The following ATRNL1 variants were observed in gnomAD, a reference collection of about 807,000 sequenced individuals.
The protein encoded by ATRNL1 is attractin-like protein 1.
Under a neutral mutation model 182.7 loss-of-function variants are expected in ATRNL1, and 95 were observed. That is an observed-to-expected ratio of 0.52 (90% confidence interval 0.44 to 0.62). The LOEUF is 0.62. Ranked by LOEUF, ATRNL1 falls within the 20% of genes least tolerant of loss-of-function variation. ATRNL1 has a pLI of 0.00. For synonymous variants in ATRNL1, 576 were observed against 568.3 expected (o/e 1.01, Z -0.19); for missense variants, 1,471 against 1,679.5 (o/e 0.88, Z 2.17).
At chr10:115,819,838 G>T (rs536174111) in intron 27 of ATRNL1, 1 of 151,784 alleles carries the variant, frequency 6.6e-6, no homozygotes, top group East Asian at 1.9e-4. Context: ...CTCAAAGCAG[G>T]TCTTTTTCTC....
intron 1 of ATRNL1, among the ~76,000 whole-genome samples, chr10:115,098,453 C>CTTTTTTT (rs71010006): frequency 1.2e-5 from 1 of 80,752 alleles, no homozygotes; most frequent in African/African-American, 6.2e-5. Flanking sequence ...ATACTAGTTT[C>CTTTTTTT]TTTTTTTTTT....
rs140651230 is a variant in ATRNL1 at position 115,940,123 on chromosome 10, T to C, written c.4019-4535T>C. On this transcript the variant is annotated intron_variant, in intron 28 of 28. Coordinates refer to ENST00000355044, the MANE Select transcript of ATRNL1 (RefSeq NM_207303.4). ...GCGGAGACTCAAGGACAGGCAGGAA[T>C]GGGAAATCTTTATAGTGAAAAAAGG... Among the ~76,000 whole-genome samples, 1,225 of 152,172 alleles carry C rather than the reference T, an allele frequency of 8.1e-3. 12 individuals carry two copies. The highest frequency in any genetic ancestry group is 0.027 in the African/African-American group (1,121 of 41,522).
intron 28 of ATRNL1, among the ~76,000 whole-genome samples, chr10:115,932,088 T>C (rs1488142246): frequency 6.6e-6 from 1 of 152,222 alleles, no homozygotes; most frequent in South Asian, 2.1e-4. Context: ...TGGAGGCCAC[T>C]TTGATTGCTC....
At chr10:115,722,037 AG>A (rs1184545028) in intron 26 of ATRNL1, among the ~76,000 whole-genome samples, 1 of 152,190 alleles carries the variant, frequency 6.6e-6, no homozygotes, top group Non-Finnish European at 1.5e-5. Flanking sequence ...GCATTATTAA[AG>A]GCCTTCTGGA....
At chr10:115,473,082 C>A (rs1848378809) in intron 24 of ATRNL1, among the ~76,000 whole-genome samples, 1 of 151,218 alleles carries the variant, frequency 6.6e-6, no homozygotes, top group South Asian at 2.1e-4. Context: ...AATGCTTTTT[C>A]AGCATCTATT....
At position 115,702,760 on chromosome 10, in the gene ATRNL1, A is replaced by G. The variant is rs1035403448; in HGVS notation, c.3796-24488A>G. On this transcript the variant is annotated intron_variant, in intron 26 of 28. Coordinates refer to ENST00000355044, the MANE Select transcript of ATRNL1 (RefSeq NM_207303.4). ...GAGGTGAAAGATCTCTACAAGGAGA[A>G]CTACAAAACACTGCTGAAAGAAGTC... 5.9e-5 allele frequency among the ~76,000 whole-genome samples: 9 copies of G among 152,072 alleles called. No homozygotes were observed. In the South Asian group the frequency reaches 1.0e-3, roughly 17 times the overall value.
chr10:115,689,650 G>A (rs982341181), intron 26 of ATRNL1, among the ~76,000 whole-genome samples: 1 of 152,128 alleles, frequency 6.6e-6, no homozygotes, highest in Admixed American at 6.5e-5. Flanking sequence ...TTGGATGCTG[G>A]TAGTGGCAGC....
At chr10:115,598,779 T>C (rs1339709521) in intron 26 of ATRNL1, among the ~76,000 whole-genome samples, 2 of 152,186 alleles carry the variant, frequency 1.3e-5, no homozygotes, top group Non-Finnish European at 2.9e-5. Flanking sequence ...AGAAGTCAGC[T>C]AAATTCTCAT....
chr10:115,701,195 C>T (rs1946724579), intron 26 of ATRNL1, among the ~76,000 whole-genome samples: 1 of 151,906 alleles, frequency 6.6e-6, no homozygotes, highest in South Asian at 2.1e-4. Context: ...AAAACCTGCC[C>T]TTGAATTGAC....
rs782157017 is a variant in ATRNL1 at position 115,442,303 on chromosome 10, C to CTCTCTCTCTCTCTCTCTCTCTCTCTCTG, written c.3322+16002_3322+16003insCTCTCTCTCTCTCTCTCTCTCTCTCTGT. Among the ~76,000 whole-genome samples the CTCTCTCTCTCTCTCTCTCTCTCTCTCTG allele has an allele frequency of 1.2e-3, 147 of 123,778 alleles. 2 individuals carry two copies. The highest frequency in any genetic ancestry group is 4.0e-3 in the East Asian group (19 of 4,774). The allele number at this position is 123,778 out of a possible 152,430, so 81.2% of individuals were successfully genotyped here. The stretch of plus-strand genomic sequence containing the variant: ...TCTCTCTCTCTCTCTCTCTCTCTCT[C>CTCTCTCTCTCTCTCTCTCTCTCTCTCTG]TGTGTGTATGTGTGTGTGTAAACAA... On this transcript the variant is annotated intron_variant, in intron 21 of 28. Transcript: ENST00000355044.
chr10:115,331,552 A>G (rs1403536413), intron 18 of ATRNL1, among the ~76,000 whole-genome samples: 2 of 152,106 alleles, frequency 1.3e-5, no homozygotes, highest in East Asian at 1.9e-4. Context: ...ATTTATGTGC[A>G]TATGTTTAGG....
chr10:115,783,903 C>T (rs1210533979), intron 27 of ATRNL1, among the ~76,000 whole-genome samples: 1 of 152,094 alleles, frequency 6.6e-6, no homozygotes, highest in Non-Finnish European at 1.5e-5. Context: ...GTCCCAGCTA[C>T]TTGGGAGGCT....
At chr10:115,146,995 T>G (rs1179009338) in intron 5 of ATRNL1, among the ~76,000 whole-genome samples, 38 of 152,260 alleles carry the variant, frequency 2.5e-4, no homozygotes, top group South Asian at 4.2e-4. Flanking sequence ...TACCCAGTAG[T>G]GGGATTACTG....
Position 115,521,854 on chromosome 10 carries a change from A to G in ATRNL1, c.3716+2530A>G, listed in dbSNP as rs189498005. Among the ~76,000 whole-genome samples, 5 of 152,340 alleles carry G rather than the reference A, an allele frequency of 3.3e-5. No individual in the cohort carries two copies. The East Asian group carries it at 9.6e-4, about 29-fold the overall frequency. ...GGACAGGATATTTTGAAGCTTATCA[A>G]TTATTAAGTTTTATAAAGCTACTGC... On this transcript the variant is annotated intron_variant, in intron 25 of 28. Transcript: ENST00000355044.
At chr10:115,383,018 T>C (rs1858113590) in intron 19 of ATRNL1, among the ~76,000 whole-genome samples, 1 of 151,912 alleles carries the variant, frequency 6.6e-6, no homozygotes, top group Non-Finnish European at 1.5e-5. Flanking sequence ...AGAGAGGAAG[T>C]TCTTTTTATT....
At chr10:115,904,334 A>C (rs551222863) in intron 28 of ATRNL1, among the ~76,000 whole-genome samples, 1 of 152,150 alleles carries the variant, frequency 6.6e-6, no homozygotes, top group Non-Finnish European at 1.5e-5. Flanking sequence ...TCCACAGGAA[A>C]TCTGACTAGC....
intron 20 of ATRNL1, among the ~76,000 whole-genome samples, chr10:115,419,452 A>G (rs1049942975): frequency 2.0e-5 from 3 of 152,224 alleles, no homozygotes; most frequent in Non-Finnish European, 1.5e-5. Flanking sequence ...TTGAATGTAA[A>G]TGGTTGAAAT....
chr10:115,224,637 A>G (rs1849620973), intron 9 of ATRNL1, among the ~76,000 whole-genome samples: 1 of 152,132 alleles, frequency 6.6e-6, no homozygotes, highest in Admixed American at 6.6e-5. Context: ...CCATGCCAAG[A>G]ATGAAAAGGG....
At chr10:115,542,517 A>G (rs959079852) in intron 25 of ATRNL1, among the ~76,000 whole-genome samples, 2 of 152,158 alleles carry the variant, frequency 1.3e-5, no homozygotes, top group East Asian at 3.9e-4. Context: ...GTATTATACA[A>G]GCCTTGGAAC....
Sources: gnomAD v4.1 joint callset for allele counts (sites outside exome capture counted in the v4.1 genomes callset) on GRCh38, gnomAD v4.1.1 for gene constraint, MANE v1.5 for transcripts, NCBI Gene and HGNC (gene_info 2026-07-23, HGNC 2026-07-21) for gene names.